The following ATP6V0A2 variants were observed in gnomAD, a reference collection of about 807,000 sequenced individuals.
ATP6V0A2 encodes the protein ATPase H+ transporting V0 subunit a2, also known as V-type proton ATPase 116 kDa subunit a 2.
In ATP6V0A2, 58 loss-of-function variants were observed where a neutral mutation model predicts 104.4. That is an observed-to-expected ratio of 0.56 (90% CI 0.45 to 0.69). The LOEUF (loss-of-function observed/expected upper bound fraction) is 0.69. Ranked by LOEUF, ATP6V0A2 falls within the 30% of genes least tolerant of loss-of-function variation. ATP6V0A2 has a pLI of 0.00. For missense variants in ATP6V0A2, 938 were observed against 1,062.9 expected (o/e 0.88, Z 1.63); for synonymous variants, 376 against 397.9 (o/e 0.95, Z 0.65).
chr12:123,729,203 A>G (rs990887606), intron 6 of ATP6V0A2, among the ~76,000 whole-genome samples: 2 of 151,556 alleles, frequency 1.3e-5, no homozygotes, highest in Non-Finnish European at 2.9e-5. Context: ...GCTGGCTTTT[A>G]TATCCATTTT....
intron 9 of ATP6V0A2, 42 bp from the exon 10 acceptor site, chr12:123,743,743 T>C (rs1430303072): frequency 6.2e-7 from 1 of 1,610,466 alleles, no homozygotes; most frequent in South Asian, 1.1e-5. Context: ...GTTATTTTCT[T>C]CTTGGATAGT....
At chr12:123,732,189 G>A (rs1204576935) in intron 6 of ATP6V0A2, 1 of 152,352 alleles carries the variant, frequency 6.6e-6, no homozygotes, top group African/African-American at 2.4e-5. Context: ...ACTCTTCTCT[G>A]TTTCTTGCGT....
rs760083121 is a variant in ATP6V0A2, at chr12:123,712,646, C to T, written c.81C>T (p.Ser27=). Residue 27 remains serine, a synonymous_variant, in exon 1 of 20, where the codon AGC becomes AGT. Transcript: ENST00000330342. Reference sequence around the variant, plus strand: ...CGGGCACGGCCTACGAGTGCCTCAGCGCCCTGGGCGAGAAAGGCCTGGTCC... The same window carrying T: ...CGGGCACGGCCTACGAGTGCCTCAGTGCCCTGGGCGAGAAAGGCCTGGTCC... ...LQSGTAYECL[S]ALGEKGLVQF... The T allele has an allele frequency of 6.2e-7, 1 of 1,609,350 alleles. No homozygotes were observed.
intron 9 of ATP6V0A2, among the ~76,000 whole-genome samples, chr12:123,743,394 C>A (rs1016310715): frequency 6.6e-6 from 1 of 152,226 alleles, no homozygotes; most frequent in Non-Finnish European, 1.5e-5. Flanking sequence ...GTGCTCACAC[C>A]TGTAATCCCA....
At chr12:123,747,404 C>G (rs934112281) in intron 13 of ATP6V0A2, among the ~76,000 whole-genome samples, 1 of 152,096 alleles carries the variant, frequency 6.6e-6, no homozygotes, top group Non-Finnish European at 1.5e-5. Context: ...ACGTTAACAC[C>G]GATAAAATTG....
At chr12:123,750,039 AT>A (rs1468330286) in intron 15 of ATP6V0A2, 1 of 152,096 alleles carries the variant, frequency 6.6e-6, no homozygotes, top group Admixed American at 6.6e-5. Flanking sequence ...ATTTTTAAGA[AT>A]TGTATTTTAT....
At chr12:123,714,721 A>G (rs556582445) in intron 1 of ATP6V0A2, among the ~76,000 whole-genome samples, 17 of 152,274 alleles carry the variant, frequency 1.1e-4, no homozygotes, top group African/African-American at 4.1e-4. Flanking sequence ...TTAGCCTTGA[A>G]TTAGGGTGCT....
At chr12:123,754,174 G>A (rs1005379989) in intron 17 of ATP6V0A2, 25 of 596,048 alleles carry the variant, frequency 4.2e-5, no homozygotes, top group African/African-American at 2.0e-4. Context: ...AGTCTGAGGC[G>A]TGCGGTGGGA....
At chr12:123,727,065 A>T (rs1321737314) in intron 5 of ATP6V0A2, among the ~76,000 whole-genome samples, 1 of 151,932 alleles carries the variant, frequency 6.6e-6, no homozygotes, top group East Asian at 1.9e-4. Context: ...TGCAAGGTAG[A>T]TTTTTTTTCT....
At chr12:123,716,106 G>A (rs185127386) in intron 1 of ATP6V0A2, among the ~76,000 whole-genome samples, 2 of 149,196 alleles carry the variant, frequency 1.3e-5, no homozygotes, top group East Asian at 2.0e-4. Flanking sequence ...CAATTCTGTC[G>A]CCCAGGATGG....
intron 9 of ATP6V0A2, among the ~76,000 whole-genome samples, chr12:123,741,730 C>T (rs1956611309): frequency 6.6e-6 from 1 of 152,092 alleles, no homozygotes; most frequent in Non-Finnish European, 1.5e-5. Context: ...TCCCAAAGTG[C>T]TGGGATGACA....
chr12:123,731,537 C>T (rs1209671013), intron 6 of ATP6V0A2: 1 of 151,964 alleles, frequency 6.6e-6, no homozygotes, highest in Non-Finnish European at 1.5e-5. Flanking sequence ...TGACACACTA[C>T]TATGTTGCCC....
chr12:123,724,443 C>T (rs1213528662), intron 3 of ATP6V0A2: 23 of 457,236 alleles, frequency 5.0e-5, no homozygotes, highest in Middle Eastern at 7.1e-4. Flanking sequence ...GCAAGAGAAT[C>T]GCTTGAACCC....
Position 123,735,637 on chromosome 12 carries a change from G to A in ATP6V0A2, c.825+13G>A. 1 of 1,601,710 alleles carries A rather than the reference G, an allele frequency of 6.2e-7. No homozygotes were observed. The highest frequency in any genetic ancestry group is 8.6e-7 in the Non-Finnish European group (1 of 1,168,902). ...GGATCTCTACACTGTGAGTAAGCTG[G>A]AAGTGGATTGCCTCTTTATCTGAGG... On this transcript the variant is annotated intron_variant, in intron 8 of 19. Transcript: ENST00000330342.
rs532576230 is a variant in ATP6V0A2 at position 123,759,848 on chromosome 12, A to G, written c.*1816A>G. The G allele has an allele frequency of 7.2e-5, 11 of 152,240 alleles. No individual in the cohort carries two copies. The highest frequency in any genetic ancestry group is 1.2e-4 in the Non-Finnish European group (8 of 68,032). The allele number at this position is 152,240 out of a possible 1,614,324, so 9.4% of individuals were successfully genotyped here. ...TGTTACCCAAGGCCAGTTTGGACTT[A>G]CTGCTTTTTGTCCCTCATATTAAAT... is the stretch of plus-strand genomic sequence containing the variant. On this transcript the variant is annotated 3_prime_UTR_variant, in exon 20 of 20. Coordinates refer to ENST00000330342, the MANE Select transcript of ATP6V0A2 (RefSeq NM_012463.4).
At chr12:123,736,538 A>G (rs1593902589) in intron 8 of ATP6V0A2, among the ~76,000 whole-genome samples, 1 of 152,142 alleles carries the variant, frequency 6.6e-6, no homozygotes, top group East Asian at 1.9e-4. Flanking sequence ...TCCAGTTAAC[A>G]TGGTGAGGGC....
At position 123,749,502 on chromosome 12, in the gene ATP6V0A2, A is replaced by C. The variant is rs899413265; in HGVS notation, c.1935+717A>C. Reference sequence around the variant, plus strand: ...GGAGGCCCCGCTCTGCTGTTTCCTCAGGATGGAGCTTTGAGCAGATGACTA... The same window carrying C: ...GGAGGCCCCGCTCTGCTGTTTCCTCCGGATGGAGCTTTGAGCAGATGACTA... On this transcript the variant is annotated intron_variant, in intron 15 of 19. Coordinates refer to ENST00000330342, the MANE Select transcript of ATP6V0A2 (RefSeq NM_012463.4). 1.8e-4 allele frequency among the ~76,000 whole-genome samples: 27 copies of C among 152,190 alleles called. 1 individual carries two copies. The highest frequency in any genetic ancestry group is 1.9e-4 in the East Asian group (1 of 5,194).
chr12:123,752,379 T>C lies in ATP6V0A2; in HGVS notation c.2152T>C (p.Cys718Arg). The C allele has an allele frequency of 1.2e-6, 2 of 1,614,098 alleles. No individual in the cohort carries two copies. The highest frequency in any genetic ancestry group is 1.7e-6 in the Non-Finnish European group (2 of 1,180,000). ...GGGAAATCACCAGGTGGAAGATGGA[T>C]GTAGAGAAATGGCGTGTGAAGAGGT... ...EEGNHQVEDGCREMACEEFNF... is the reference protein window; with the variant it reads ...EEGNHQVEDGRREMACEEFNF... Residue 718 changes from cysteine (C) to arginine (R), a missense_variant, in exon 17 of 20, where the codon TGT becomes CGT. Cys to Arg is a radical substitution (Grantham distance 180, BLOSUM62 -3). Transcript: ENST00000330342.
intron 9 of ATP6V0A2, among the ~76,000 whole-genome samples, chr12:123,741,973 C>CT (rs976389694): frequency 1.3e-5 from 2 of 152,194 alleles, no homozygotes. Context: ...GAGATGTCCT[C>CT]TGTGTCTCTC....
Sources: gnomAD v4.1 joint callset for allele counts (sites outside exome capture counted in the v4.1 genomes callset) on GRCh38, gnomAD v4.1.1 for gene constraint, MANE v1.5 for transcripts, NCBI Gene and HGNC (gene_info 2026-07-23, HGNC 2026-07-21) for gene names.